The following GALNT16 variants were observed in gnomAD, a reference collection of about 807,000 sequenced individuals.
The protein encoded by GALNT16 is polypeptide N-acetylgalactosaminyltransferase 16, also known as UDP-GalNAc:polypeptide N-acetylgalactosaminyltransferase-like protein 1.
Under a neutral mutation model 76.1 loss-of-function variants are expected in GALNT16, and 40 were observed. That is an observed-to-expected ratio of 0.53 (90% confidence interval 0.41 to 0.68). The LOEUF (loss-of-function observed/expected upper bound fraction) is 0.68. Ranked by LOEUF, GALNT16 falls within the 30% of genes least tolerant of loss-of-function variation. The probability of loss-of-function intolerance (pLI) is 0.00; values close to 1 mark genes in which losing one functional copy is unlikely to be tolerated. For missense variants in GALNT16, 621 were observed against 731.9 expected, an observed-to-expected ratio of 0.85 and a Z score of 1.75; for synonymous variants, 276 against 285.2, an observed-to-expected ratio of 0.97 and a Z score of 0.32.
At chr14:69,339,351 C>A (rs1594863039) in intron 10 of GALNT16, among the ~76,000 whole-genome samples, 176 bp from the exon 11 acceptor site, 3 of 152,200 alleles carry the variant, frequency 2.0e-5, no homozygotes, top group African/African-American at 7.2e-5. Flanking sequence ...CCTACAAAGT[C>A]GATGGGTATT....
chr14:69,383,412 G>A, the GALNT16 span, among the ~76,000 whole-genome samples: 3 of 152,204 alleles, frequency 2.0e-5, no homozygotes, highest in African/African-American at 7.2e-5. Flanking sequence ...AACCAAAAAC[G>A]GACCCAGTCT....
chr14:69,264,819 C>CTTTCTT (rs770742554), intron 1 of GALNT16, among the ~76,000 whole-genome samples: 4 of 96,576 alleles, frequency 4.1e-5, no homozygotes, highest in Non-Finnish European at 7.3e-5. Context: ...CTTTTTCTTT[C>CTTTCTT]TTTTTTTTTT....
chr14:69,382,869 A>ATGAGACAAT, the GALNT16 span, among the ~76,000 whole-genome samples: 1 of 152,136 alleles, frequency 6.6e-6, no homozygotes, highest in Admixed American at 6.5e-5. Context: ...GCACTTGAAA[A>ATGAGACAAT]TGAGACAATT....
rs2045663547 is a variant in GALNT16 at position 69,353,474 on chromosome 14, GCTC to G, written c.*1309_*1311del. On this transcript the variant is annotated 3_prime_UTR_variant, in exon 15 of 15. Coordinates refer to ENST00000448469, the MANE Select transcript of GALNT16 (RefSeq NM_001168368.2). ...TACCCCACGGCCTTGTCTTGGAACTGCTCCTGCTATCCCCACACCCTGCTTCCT... is the reference window on the plus strand; with the variant it reads ...TACCCCACGGCCTTGTCTTGGAACTGCTGCTATCCCCACACCCTGCTTCCT... 3 of 152,454 alleles carry G rather than the reference GCTC, an allele frequency of 2.0e-5. No individual in the cohort carries two copies. Among genetic ancestry groups the G allele is most frequent in the Non-Finnish European group, 1.5e-5 (1 of 68,146 alleles). 9.4% of individuals were successfully genotyped at this position (152,454 alleles called of 1,614,324 possible). A position where few individuals can be genotyped will look rare whatever the true frequency, so the allele number is the denominator to read the frequency against.
At chr14:69,371,564 A>G in the GALNT16 span, among the ~76,000 whole-genome samples, 2 of 152,000 alleles carry the variant, frequency 1.3e-5, no homozygotes, top group Non-Finnish European at 2.9e-5. Context: ...CCTAACAGCA[A>G]TATTAAATAT....
intron 1 of GALNT16, among the ~76,000 whole-genome samples, chr14:69,316,498 A>G (rs1354992424): frequency 1.3e-5 from 2 of 152,192 alleles, no homozygotes; most frequent in African/African-American, 2.4e-5. Context: ...AGGAGAAGCA[A>G]AACACTGCAG....
chr14:69,318,456 G>A (rs1348128416), intron 1 of GALNT16, among the ~76,000 whole-genome samples: 1 of 152,158 alleles, frequency 6.6e-6, no homozygotes. Flanking sequence ...GCACATAGGA[G>A]GCGCTTGGTG....
chr14:69,309,534 A>G (rs1042600806), intron 1 of GALNT16, among the ~76,000 whole-genome samples: 12 of 151,260 alleles, frequency 7.9e-5, no homozygotes, highest in African/African-American at 2.7e-4. Context: ...CTGGTCTTGA[A>G]CTCCTGGCCT....
rs2140210272 is a variant in GALNT16 at position 69,354,376 on chromosome 14, T to A, written c.*2208T>A. On this transcript the variant is annotated 3_prime_UTR_variant, in exon 15 of 15. Transcript: ENST00000448469. Reference sequence around the variant, plus strand: ...AGCCCTGTTCTGTTTTTGCTTTTCCTCTTCTTGACCAAAGCATGTGCCACT... The same window carrying A: ...AGCCCTGTTCTGTTTTTGCTTTTCCACTTCTTGACCAAAGCATGTGCCACT... The A allele has an allele frequency of 6.5e-6, 1 of 153,020 alleles. No homozygotes were observed. Among genetic ancestry groups the A allele is most frequent in the Non-Finnish European group, 1.5e-5 (1 of 68,204 alleles). The allele number at this position is 153,020 out of a possible 1,614,324, so 9.5% of individuals were successfully genotyped here.
At chr14:69,374,073 GC>G in the GALNT16 span, among the ~76,000 whole-genome samples, 1 of 152,160 alleles carries the variant, frequency 6.6e-6, no homozygotes, top group Admixed American at 6.6e-5. Flanking sequence ...GAGCCACTGT[GC>G]CTGGCCCTCC....
chr14:69,361,201 CA>C (rs1299731327), downstream of GALNT16, among the ~76,000 whole-genome samples: 2 of 152,226 alleles, frequency 1.3e-5, no homozygotes, highest in African/African-American at 4.8e-5. Flanking sequence ...CCGTGAGTTA[CA>C]TGGCAAAGCC....
chr14:69,362,105 G>A, the GALNT16 span, among the ~76,000 whole-genome samples: 1 of 152,228 alleles, frequency 6.6e-6, no homozygotes, highest in Non-Finnish European at 1.5e-5. Context: ...AGCTCTGGAG[G>A]CGATTGCGAA....
intron 11 of GALNT16, among the ~76,000 whole-genome samples, chr14:69,340,170 T>G (rs780258211): frequency 1.3e-5 from 2 of 152,208 alleles, no homozygotes; most frequent in African/African-American, 2.4e-5. Context: ...AGTATTGTCC[T>G]TATGAAACTC....
the GALNT16 span, among the ~76,000 whole-genome samples, chr14:69,376,967 T>C: frequency 1.3e-5 from 2 of 152,146 alleles, no homozygotes; most frequent in Non-Finnish European, 2.9e-5. Flanking sequence ...TGCACTTACC[T>C]AAGTCTTATC....
chr14:69,334,747 C>A (rs1027857255), intron 9 of GALNT16, among the ~76,000 whole-genome samples: 5 of 152,194 alleles, frequency 3.3e-5, no homozygotes, highest in African/African-American at 1.2e-4. Context: ...TACCCCCACC[C>A]CGTCATCTCC....
intron 1 of GALNT16, among the ~76,000 whole-genome samples, chr14:69,298,012 G>T (rs933049303): frequency 5.3e-5 from 8 of 152,116 alleles, no homozygotes; most frequent in African/African-American, 1.7e-4. Flanking sequence ...TAAGTAATTT[G>T]CCTCATGTTA....
chr14:69,306,806 G>A (rs2044941654), intron 1 of GALNT16, among the ~76,000 whole-genome samples: 1 of 152,208 alleles, frequency 6.6e-6, no homozygotes, highest in South Asian at 2.1e-4. Context: ...AAGAGGCCAT[G>A]TGCCAAAGGA....
chr14:69,301,986 A>C (rs556360643), intron 1 of GALNT16, among the ~76,000 whole-genome samples: 69 of 152,220 alleles, frequency 4.5e-4, no homozygotes, highest in African/African-American at 1.5e-3. Flanking sequence ...AAAACAAACA[A>C]ACACACACAC....
intron 5 of GALNT16, 79 bp from the exon 6 acceptor site, chr14:69,328,371 G>A: frequency 6.9e-7 from 1 of 1,459,008 alleles, no homozygotes; most frequent in Non-Finnish European, 9.4e-7. Context: ...AAGGAGAGGA[G>A]AGCCTTGGGA....
Sources: allele counts gnomAD v4.1 joint callset (sites outside exome capture counted in the v4.1 genomes callset), GRCh38; gene constraint gnomAD v4.1.1; transcripts MANE v1.5; gene names NCBI Gene and HGNC (gene_info 2026-07-23, HGNC 2026-07-21).